Variants in CNTN5 observed in about 807,000 individuals in gnomAD.
The protein encoded by CNTN5 is contactin 5, also known as contactin-5.
A neutral mutation model predicts 129.1 loss-of-function variants in CNTN5; 77 were observed. The observed-to-expected ratio is 0.60, with a 90% CI of 0.50 to 0.72. The LOEUF (loss-of-function observed/expected upper bound fraction) is 0.72. Among genes scored for constraint, CNTN5 ranks in the 30% least tolerant of loss-of-function variants. CNTN5 has a pLI of 0.00. For synonymous variants in CNTN5, 509 were observed against 465.6 expected, an observed-to-expected ratio of 1.09 and a Z score of -1.20; for missense variants, 1,478 against 1,328.8, an observed-to-expected ratio of 1.11 and a Z score of -1.75.
chr11:99,800,979 T>C (rs1032886783), intron 3 of CNTN5, among the ~76,000 whole-genome samples: 1 of 152,196 alleles, frequency 6.6e-6, no homozygotes, highest in Non-Finnish European at 1.5e-5. Context: ...TGTTAACTGA[T>C]AGTTTTGAAG....
chr11:99,217,161 C>A (rs879295983), intron 1 of CNTN5, among the ~76,000 whole-genome samples: 1 of 152,026 alleles, frequency 6.6e-6, no homozygotes, highest in Non-Finnish European at 1.5e-5. Context: ...GCCTGGGCAA[C>A]AAAGCAAGAC....
In CNTN5 at chr11:99,203,684, G is replaced by A. The variant is rs1460456902; in HGVS notation, c.-209-121662G>A. On this transcript the variant is annotated intron_variant, in intron 1 of 24. Transcript: ENST00000524871. ...GGCTCACTGCAACCTCTGCCTTCTG[G>A]TTCAAGTGATTCTCCTCCTATCAAG... Among the ~76,000 whole-genome samples the A allele has an allele frequency of 2.6e-5, 4 of 152,066 alleles. No individual in the cohort carries two copies. In the East Asian group the frequency reaches 7.7e-4, roughly 29 times the overall value.
chr11:99,655,188 G>A (rs1376827335), intron 3 of CNTN5, among the ~76,000 whole-genome samples: 1 of 151,986 alleles, frequency 6.6e-6, no homozygotes, highest in Non-Finnish European at 1.5e-5. Context: ...TAATGTCAGA[G>A]GTCCTGTCTG....
At chr11:99,983,483 G>A (rs1164897763) in intron 8 of CNTN5, among the ~76,000 whole-genome samples, 2 of 152,192 alleles carry the variant, frequency 1.3e-5, no homozygotes, top group Non-Finnish European at 2.9e-5. Flanking sequence ...TTATTGAGTA[G>A]ACAGAGTCCT....
At chr11:99,611,335 T>TA (rs1448597034) in intron 3 of CNTN5, among the ~76,000 whole-genome samples, 1 of 152,148 alleles carries the variant, frequency 6.6e-6, no homozygotes, top group Non-Finnish European at 1.5e-5. Context: ...CACCAGTATT[T>TA]AGAGATTCCC....
intron 13 of CNTN5, among the ~76,000 whole-genome samples, chr11:100,128,687 T>C (rs1946277212): frequency 6.6e-6 from 1 of 152,102 alleles, no homozygotes; most frequent in African/African-American, 2.4e-5. Flanking sequence ...GGTATGTGTG[T>C]AGCCTCTAGA....
chr11:99,304,672 T>C (rs187046051), intron 1 of CNTN5, among the ~76,000 whole-genome samples: 38 of 152,334 alleles, frequency 2.5e-4, no homozygotes, highest in Admixed American at 1.3e-3. Context: ...CAGAAATGCT[T>C]TGAAATACGT....
chr11:99,976,611 C>T (rs1300045949), intron 8 of CNTN5, among the ~76,000 whole-genome samples: 1 of 152,220 alleles, frequency 6.6e-6, no homozygotes, highest in Non-Finnish European at 1.5e-5. Context: ...CTTTCACTCT[C>T]TGAAGCAATG....
chr11:99,487,499 A>T (rs970932187), intron 2 of CNTN5, among the ~76,000 whole-genome samples: 93 of 152,300 alleles, frequency 6.1e-4, no homozygotes, highest in African/African-American at 2.2e-3. Context: ...GCAAATATTC[A>T]CTTATAACCT....
chr11:99,115,852 A>C (rs1436766732), intron 1 of CNTN5, among the ~76,000 whole-genome samples: 1 of 152,082 alleles, frequency 6.6e-6, no homozygotes, highest in Non-Finnish European at 1.5e-5. Flanking sequence ...AAGGAAGGAG[A>C]CACAGCTAGC....
intron 3 of CNTN5, among the ~76,000 whole-genome samples, chr11:99,668,859 T>C (rs575854217): frequency 6.6e-6 from 1 of 152,258 alleles, no homozygotes; most frequent in East Asian, 1.9e-4. Flanking sequence ...TATTATCTTA[T>C]GAGTTGGCAT....
chr11:99,908,707 T>C (rs2135981011), intron 6 of CNTN5, among the ~76,000 whole-genome samples: 1 of 152,262 alleles, frequency 6.6e-6, no homozygotes, highest in East Asian at 1.9e-4. Flanking sequence ...AGTAGCTTTT[T>C]GTAACACATG....
intron 1 of CNTN5, among the ~76,000 whole-genome samples, chr11:99,321,742 G>A (rs958454752): frequency 1.3e-5 from 2 of 152,136 alleles, no homozygotes; most frequent in African/African-American, 4.8e-5. Context: ...TATCATATTG[G>A]TGAAGGGTAG....
intron 6 of CNTN5, among the ~76,000 whole-genome samples, chr11:99,897,668 G>T (rs978046128): frequency 6.6e-6 from 1 of 152,120 alleles, no homozygotes; most frequent in Non-Finnish European, 1.5e-5. Flanking sequence ...GAAACTAAAG[G>T]ATGATACTTG....
intron 16 of CNTN5, among the ~76,000 whole-genome samples, chr11:100,237,187 T>C (rs907634654): frequency 7.2e-5 from 6 of 83,210 alleles, no homozygotes; most frequent in African/African-American, 3.3e-4. Context: ...AGACTCCGTC[T>C]CAAAAAAAAA....
At chr11:100,084,804 CTCTT>C (rs1251723795) in intron 13 of CNTN5, among the ~76,000 whole-genome samples, 1 of 152,018 alleles carries the variant, frequency 6.6e-6, no homozygotes, top group East Asian at 1.9e-4. Context: ...GATTTTGTTC[CTCTT>C]TCTTTCCAGT....
intron 16 of CNTN5, among the ~76,000 whole-genome samples, chr11:100,249,182 G>A (rs931127972): frequency 1.2e-4 from 19 of 152,030 alleles, no homozygotes; most frequent in African/African-American, 4.6e-4. Flanking sequence ...TATAGTAAGA[G>A]CTTTAAAGAT....
At chr11:99,235,514 G>A (rs1305363631) in intron 1 of CNTN5, among the ~76,000 whole-genome samples, 1 of 151,942 alleles carries the variant, frequency 6.6e-6, no homozygotes, top group Non-Finnish European at 1.5e-5. Flanking sequence ...AAGTATTTTT[G>A]AATTATTTTA....
chr11:99,506,572 A>T lies in CNTN5; in HGVS notation c.-70-49573A>T, dbSNP rs188650272. On this transcript the variant is annotated intron_variant, in intron 2 of 24. Coordinates refer to ENST00000524871, the MANE Select transcript of CNTN5 (RefSeq NM_014361.4). ...CATTGCAAACAATGAGTAAATACTT[A>T]AAAAAAATTATAGTGTTTGTATAGT... is the stretch of plus-strand genomic sequence containing the variant. 4.6e-4 allele frequency among the ~76,000 whole-genome samples: 66 copies of T among 144,602 alleles called. No homozygotes were observed. The East Asian group carries it at 8.7e-3, about 19-fold the overall frequency. 94.9% of individuals were successfully genotyped at this position (144,602 alleles called of 152,430 possible). A position where few individuals can be genotyped will look rare whatever the true frequency, so the allele number is the denominator to read the frequency against.
Sources: gnomAD v4.1 joint callset for allele counts (sites outside exome capture counted in the v4.1 genomes callset) on GRCh38, gnomAD v4.1.1 for gene constraint, MANE v1.5 for transcripts, NCBI Gene and HGNC (gene_info 2026-07-23, HGNC 2026-07-21) for gene names.